Variants in QTGAL observed in about 807,000 individuals in gnomAD.
QTGAL encodes the protein queuosine-tRNA galactosyltransferase.
the QTGAL span, among the ~76,000 whole-genome samples, chr17:83,034,245 T>A: frequency 6.6e-6 from 1 of 152,224 alleles, no homozygotes; most frequent in Non-Finnish European, 1.5e-5. Flanking sequence ...CAGCCTTTTC[T>A]TAGTGTTTTC....
chr17:83,038,392 G>A, the QTGAL span, among the ~76,000 whole-genome samples: 1 of 152,112 alleles, frequency 6.6e-6, no homozygotes, highest in Non-Finnish European at 1.5e-5. Context: ...ATACAAATGG[G>A]ATATGCCTCA....
the QTGAL span, chr17:83,051,636 G>T: frequency 1.7e-6 from 2 of 1,164,748 alleles, no homozygotes; most frequent in Non-Finnish European, 2.3e-6. Flanking sequence ...GAGAGGCGGT[G>T]CGGGGCTGCG....
the QTGAL span, chr17:83,005,214 T>C: frequency 6.2e-7 from 1 of 1,602,044 alleles, no homozygotes; most frequent in Non-Finnish European, 8.5e-7. This position sits in a 1 kb window ranked among gnomAD's most constrained non-coding sequence, Gnocchi z 5.6. Context: ...CAATGATCTG[T>C]GAAAAACAAC....
At chr17:82,942,494 G>A in the QTGAL span, 15 of 1,613,834 alleles carry the variant, frequency 9.3e-6, no homozygotes, top group East Asian at 4.5e-5. Context: ...CCTCACCCCT[G>A]CCTGGTGAGG....
the QTGAL span, chr17:83,005,446 C>T: frequency 5.6e-5 from 35 of 627,310 alleles, no homozygotes; most frequent in Admixed American, 4.7e-5. This position sits in a 1 kb window ranked among gnomAD's most constrained non-coding sequence, Gnocchi z 5.6. Flanking sequence ...CGGCCCTGGA[C>T]GCGCATCTCG....
At chr17:83,018,661 TG>T in the QTGAL span, among the ~76,000 whole-genome samples, 1 of 152,260 alleles carries the variant, frequency 6.6e-6, no homozygotes, top group African/African-American at 2.4e-5. Flanking sequence ...ACATTGCTTC[TG>T]ACCAAGGAAC....
chr17:82,999,708 G>A, the QTGAL span, among the ~76,000 whole-genome samples: 1,729 of 152,262 alleles, frequency 0.011, 37 homozygotes, highest in African/African-American at 0.04. Context: ...CTAAGTTCAC[G>A]TAGTCTGTTT....
chr17:82,957,100 G>C, the QTGAL span: 1 of 1,575,784 alleles, frequency 6.3e-7, no homozygotes, highest in Non-Finnish European at 8.7e-7. Context: ...ACTCTGCCAA[G>C]GGGGAAGGCT....
chr17:83,001,699 G>A, the QTGAL span, among the ~76,000 whole-genome samples: 2 of 152,158 alleles, frequency 1.3e-5, no homozygotes, highest in African/African-American at 4.8e-5. Context: ...CAGTAACATC[G>A]TTTTTTCTCT....
At chr17:82,998,872 C>T in the QTGAL span, among the ~76,000 whole-genome samples, 26 of 151,660 alleles carry the variant, frequency 1.7e-4, no homozygotes, top group Admixed American at 1.6e-3. Context: ...AATACATCTA[C>T]GAAAAGATGT....
At chr17:82,989,972 T>G in the QTGAL span, among the ~76,000 whole-genome samples, 1 of 152,236 alleles carries the variant, frequency 6.6e-6, no homozygotes, top group African/African-American at 2.4e-5. Context: ...AAGGTTTGCA[T>G]CACAATGGAT....
the QTGAL span, among the ~76,000 whole-genome samples, chr17:82,966,652 C>G: frequency 6.6e-6 from 1 of 152,150 alleles, no homozygotes. Flanking sequence ...CCATGGCCCT[C>G]AACCCTTGCC....
At chr17:82,969,796 C>G in the QTGAL span, among the ~76,000 whole-genome samples, 1 of 152,308 alleles carries the variant, frequency 6.6e-6, no homozygotes, top group African/African-American at 2.4e-5. Context: ...CCTCCTGCCT[C>G]AGCCTCCTGA....
the QTGAL span, chr17:82,956,910 C>T: frequency 1.2e-5 from 13 of 1,088,720 alleles, no homozygotes; most frequent in Non-Finnish European, 1.6e-5. The surrounding 1 kb of genome is among the most constrained non-coding windows in gnomAD (Gnocchi z 5.7). Context: ...GGGTCACAGA[C>T]TGCGGCAGGT....
the QTGAL span, among the ~76,000 whole-genome samples, chr17:82,977,120 A>C: frequency 2.9e-4 from 44 of 152,376 alleles, no homozygotes; most frequent in South Asian, 8.3e-3. Flanking sequence ...ACGCTGGCCC[A>C]CTGAACAAAG....
chr17:83,040,263 A>G, the QTGAL span, among the ~76,000 whole-genome samples: 4 of 152,228 alleles, frequency 2.6e-5, no homozygotes, highest in Admixed American at 2.0e-4. Context: ...GACGACCATT[A>G]TCTTAGAGAA....
the QTGAL span, chr17:83,005,056 G>A: frequency 7.1e-7 from 1 of 1,404,358 alleles, no homozygotes; most frequent in East Asian, 2.3e-5. The surrounding 1 kb of genome is among the most constrained non-coding windows in gnomAD (Gnocchi z 5.6). Context: ...CATAATGCAT[G>A]AGATGGCGCC....
the QTGAL span, among the ~76,000 whole-genome samples, chr17:83,008,614 A>G: frequency 5.3e-5 from 8 of 152,190 alleles, no homozygotes; most frequent in African/African-American, 1.9e-4. Context: ...TGGGGTCAGC[A>G]TGACACCACG....
At chr17:82,942,383 G>C in the QTGAL span, 1 of 1,609,346 alleles carries the variant, frequency 6.2e-7, no homozygotes, top group Admixed American at 1.7e-5. Flanking sequence ...AGGGGTGAGG[G>C]TCCCCTGGCT....
Sources: allele counts gnomAD v4.1 joint callset (sites outside exome capture counted in the v4.1 genomes callset), GRCh38; gene constraint gnomAD v4.1.1; non-coding constraint Gnocchi (gnomAD v3.1); transcripts MANE v1.5; gene names NCBI Gene and HGNC (gene_info 2026-07-23, HGNC 2026-07-21).